Variants in CARS2 observed in about 807,000 individuals in gnomAD.
CARS2 encodes cysteinyl-tRNA synthetase 2, mitochondrial.
Under a neutral mutation model 68.8 loss-of-function variants are expected in CARS2, and 52 were observed. The observed-to-expected ratio is 0.76, with a 90% CI of 0.61 to 0.95. The LOEUF (loss-of-function observed/expected upper bound fraction) is 0.95, where lower values mean the gene tolerates loss of function less well. CARS2 is among the 40% of genes least tolerant of loss of function. CARS2 has a pLI of 0.00. For missense variants in CARS2, 780 were observed against 754.2 expected (o/e 1.03, Z -0.40); for synonymous variants, 314 against 303.6 (o/e 1.03, Z -0.36).
chr13:110,710,361 G>A (rs527929885), upstream of CARS2, among the ~76,000 whole-genome samples: 3 of 152,124 alleles, frequency 2.0e-5, no homozygotes, highest in Non-Finnish European at 4.4e-5. Context: ...CAGTCTGGGT[G>A]ACAAGAGCAA....
At chr13:110,649,406 A>T (rs1270939900) in intron 10 of CARS2, 2 of 149,056 alleles carry the variant, frequency 1.3e-5, no homozygotes, top group African/African-American at 5.1e-5. Context: ...TGCCCCTCTC[A>T]CGCTGACAGG....
intron 7 of CARS2, among the ~76,000 whole-genome samples, chr13:110,673,432 C>CATCA (rs1420720032): frequency 6.6e-6 from 1 of 152,170 alleles, no homozygotes; most frequent in Non-Finnish European, 1.5e-5. Context: ...AAACGTAATC[C>CATCA]ATCACATAAA....
chr13:110,701,957 A>G (rs1239007642), intron 2 of CARS2, among the ~76,000 whole-genome samples: 1 of 152,254 alleles, frequency 6.6e-6, no homozygotes, highest in East Asian at 1.9e-4. Flanking sequence ...AGCAAATACC[A>G]AATCAAAACA....
intron 1 of CARS2, chr13:110,712,920 T>A (rs779707454): frequency 1.3e-6 from 2 of 1,553,640 alleles, no homozygotes; most frequent in Non-Finnish European, 8.7e-7. Context: ...CGGTGACGGA[T>A]GGCGCAGGCG....
At position 110,653,116 on chromosome 13, in the gene CARS2, G is replaced by A. The variant is rs57095243; in HGVS notation, c.988-2016C>T. On this transcript the variant is annotated intron_variant, in intron 9 of 14. Transcript: ENST00000257347. The surrounding 1 kb of genome is among the most constrained non-coding windows in gnomAD (Gnocchi z 5.6). Reference sequence around the variant, plus strand: ...TGGGATCCTATGTATTTTATTTTACGTATTTAAAGCAAATTGTAAGGCTGG... The same window carrying A: ...TGGGATCCTATGTATTTTATTTTACATATTTAAAGCAAATTGTAAGGCTGG... Among the ~76,000 whole-genome samples the A allele has an allele frequency of 0.15, 21,721 of 148,528 alleles. 1,664 individuals are homozygous for A. The highest frequency in any genetic ancestry group is 0.24 in the Middle Eastern group (72 of 294).
chr13:110,657,339 C>T (rs1291902091), intron 9 of CARS2, among the ~76,000 whole-genome samples: 1 of 152,216 alleles, frequency 6.6e-6, no homozygotes, highest in Admixed American at 6.5e-5. Flanking sequence ...CATCGCAGTG[C>T]CCAAATCTTG....
chr13:110,674,681 T>C (rs1397311474), intron 7 of CARS2, among the ~76,000 whole-genome samples: 2 of 152,076 alleles, frequency 1.3e-5, no homozygotes, highest in South Asian at 2.1e-4. Context: ...CCAAAAGCAA[T>C]GGCAACAAAA....
At chr13:110,643,751 A>ATCTCGGTGGTCGCCGT in intron 13 of CARS2, 4 of 147,094 alleles carry the variant, frequency 2.7e-5, no homozygotes, top group East Asian at 2.2e-4. Flanking sequence ...GGACTTTAAG[A>ATCTCGGTGGTCGCCGT]ATAAGGCAGG....
intron 14 of CARS2, among the ~76,000 whole-genome samples, 170 bp downstream of exon 14, chr13:110,642,145 T>C (rs934092065): frequency 6.6e-6 from 1 of 151,828 alleles, no homozygotes; most frequent in Non-Finnish European, 1.5e-5. Flanking sequence ...AGGCAGAGGT[T>C]GTGGTGAGCC....
intron 9 of CARS2, among the ~76,000 whole-genome samples, chr13:110,660,558 A>G (rs1325685788): frequency 1.3e-5 from 2 of 152,206 alleles, no homozygotes; most frequent in Non-Finnish European, 1.5e-5. Flanking sequence ...CATAAAAACA[A>G]TATTACTCTC....
At position 110,645,973 on chromosome 13, in the gene CARS2, G is replaced by C. The variant is rs1445254331; in HGVS notation, c.1311C>G (p.Ser437=). Residue 437 remains serine, a synonymous_variant, in exon 12 of 15, where the codon TCC becomes TCG. Coordinates refer to ENST00000257347, the MANE Select transcript of CARS2 (RefSeq NM_024537.4). ...AHHGNGQLRA[S]LKEPEGPRSP... ...CACCTGTTCGTTGAGCTACCTTCAG[G>C]GACGCCCTGAGCTGTCCATTCCCGT... is the stretch of plus-strand genomic sequence containing the variant. The C allele has an allele frequency of 4.3e-6, 7 of 1,612,270 alleles. No homozygotes were observed. Among genetic ancestry groups the C allele is most frequent in the Non-Finnish European group, 5.9e-6 (7 of 1,179,214 alleles).
intron 9 of CARS2, among the ~76,000 whole-genome samples, chr13:110,662,383 C>A (rs2062534979): frequency 6.6e-6 from 1 of 152,130 alleles, no homozygotes; most frequent in African/African-American, 2.4e-5. Context: ...TACCATGCAA[C>A]CCCGTGGCTG....
At chr13:110,694,886 T>C (rs2063576252) in intron 3 of CARS2, among the ~76,000 whole-genome samples, 1 of 152,174 alleles carries the variant, frequency 6.6e-6, no homozygotes, top group Non-Finnish European at 1.5e-5. Context: ...AGAAACCCAA[T>C]GTCCAACGGT....
At chr13:110,685,204 G>C (rs1359871799) in intron 5 of CARS2, among the ~76,000 whole-genome samples, 2 of 152,042 alleles carry the variant, frequency 1.3e-5, no homozygotes, top group Non-Finnish European at 2.9e-5. Flanking sequence ...GTTTTTCCTG[G>C]GAGGCTGAGG....
chr13:110,688,230 GC>G (rs1408384428), intron 3 of CARS2, among the ~76,000 whole-genome samples: 1 of 151,664 alleles, frequency 6.6e-6, no homozygotes, highest in Non-Finnish European at 1.5e-5. Context: ...AGAAAAAAAG[GC>G]TTATTGACCT....
intron 1 of CARS2, chr13:110,712,418 G>C (rs1254635560): frequency 5.4e-6 from 1 of 185,060 alleles, no homozygotes; most frequent in Non-Finnish European, 1.1e-5. Flanking sequence ...GACCCGCGGC[G>C]GCCGCAGCGG....
rs375424808 is a variant in CARS2, at chr13:110,693,781, C to T, written c.394-5763G>A. ...AAAACAAATAGACGAGGTAGAAAGG[C>T]GCTAAAATGGGGTCCTAGTCCTATT... is the stretch of plus-strand genomic sequence containing the variant. On this transcript the variant is annotated intron_variant, in intron 3 of 14. Transcript: ENST00000257347. Among the ~76,000 whole-genome samples the T allele has an allele frequency of 1.1e-4, 17 of 152,174 alleles. No homozygotes were observed. The East Asian group carries it at 1.2e-3, about 10-fold the overall frequency.
intron 5 of CARS2, among the ~76,000 whole-genome samples, chr13:110,684,243 C>T (rs1490863248): frequency 1.3e-5 from 2 of 152,164 alleles, no homozygotes; most frequent in Non-Finnish European, 2.9e-5. Flanking sequence ...AGGCCCCAGG[C>T]GTGGGTGCAA....
chr13:110,706,322 G>T, upstream of CARS2: 1 of 304,218 alleles, frequency 3.3e-6, no homozygotes, highest in Non-Finnish European at 6.0e-6. Context: ...GCCCGGGGTG[G>T]AGGGAGGAGG....
Sources: allele counts gnomAD v4.1 joint callset (sites outside exome capture counted in the v4.1 genomes callset), GRCh38; gene constraint gnomAD v4.1.1; non-coding constraint Gnocchi (gnomAD v3.1); transcripts MANE v1.5; gene names NCBI Gene and HGNC (gene_info 2026-07-23, HGNC 2026-07-21).